The following AGAP3 variants were observed in gnomAD, a reference collection of about 807,000 sequenced individuals.
The protein encoded by AGAP3 is arf-GAP with GTPase, ANK repeat and PH domain-containing protein 3.
In AGAP3, 24 loss-of-function variants were observed where a neutral mutation model predicts 96.9. That is an observed-to-expected ratio of 0.25 (90% CI 0.18 to 0.35). The LOEUF (loss-of-function observed/expected upper bound fraction) is 0.35. Ranked by LOEUF, AGAP3 falls within the 10% of genes least tolerant of loss-of-function variation. The probability of loss-of-function intolerance (pLI) is 1.00; values close to 1 mark genes in which losing one functional copy is unlikely to be tolerated. For synonymous variants in AGAP3, 563 were observed against 536.1 expected (o/e 1.05, Z -0.69); for missense variants, 876 against 1,254.2 (o/e 0.70, Z 4.55).
Position 151,118,030 on chromosome 7 carries a change from G to A in AGAP3, c.707-180G>A, listed in dbSNP as rs1256148081. The A allele has an allele frequency of 7.6e-6, 7 of 926,646 alleles. No homozygotes were observed. The South Asian group carries it at 1.3e-4, about 17-fold the overall frequency. The allele number at this position is 926,646 out of a possible 1,614,324, so 57.4% of individuals were successfully genotyped here. On this transcript the variant is annotated intron_variant, in intron 5 of 17. Coordinates refer to ENST00000397238, the MANE Select transcript of AGAP3 (RefSeq NM_031946.7). The surrounding 1 kb of genome is among the most constrained non-coding windows in gnomAD (Gnocchi z 6.1). ...GTGCTCAGAGCTTAAGTGCTTGCTGGTTTGCACTCAGTGAGGCCATGGAAG... is the reference window on the plus strand; with the variant it reads ...GTGCTCAGAGCTTAAGTGCTTGCTGATTTGCACTCAGTGAGGCCATGGAAG...
chr7:151,143,431 G>C lies in AGAP3; in HGVS notation c.2364G>C (p.Gln788His). The change falls in exon 17 of 18, where the codon CAG (glutamine) becomes CAC (histidine). Residue 788 changes from glutamine (Q) to histidine (H), a missense_variant. Gln to His is a conservative substitution (Grantham distance 24). Around this residue, in one of 8 missense-constraint regions of AGAP3, gnomAD observed 213 missense variants for 253.8 expected, o/e 0.84. Transcript: ENST00000397238. This position sits in a 1 kb window ranked among gnomAD's most constrained non-coding sequence, Gnocchi z 5.9. ...GCTCAGATGTGCCACTGGGGCAGCA[G>C]CTGCTCCGGGCCGTGGTGGAAGATG... The part of the protein sequence containing the change: ...LPSSDVPLGQ[Q>H]LLRAVVEDDL... The C allele has an allele frequency of 6.2e-7, 1 of 1,614,242 alleles. No individual in the cohort carries two copies. The highest frequency in any genetic ancestry group is 8.5e-7 in the Non-Finnish European group (1 of 1,180,052).
At chr7:151,129,329 C>T (rs1022601873) in intron 10 of AGAP3, among the ~76,000 whole-genome samples, 6 of 152,092 alleles carry the variant, frequency 3.9e-5, no homozygotes, top group African/African-American at 1.2e-4. Flanking sequence ...CAGCACAGCG[C>T]GTGCCCCCCA....
chr7:151,116,968 T>C, intron 2 of AGAP3, 117 bp downstream of exon 2: 5 of 1,477,256 alleles, frequency 3.4e-6, no homozygotes, highest in Non-Finnish European at 4.7e-6. Flanking sequence ...AGCTTGGCCC[T>C]CTCTGCCCTC....
At position 151,122,230 on chromosome 7, in the gene AGAP3, C is replaced by T. The variant is rs183191562; in HGVS notation, c.1129-1564C>T. Among the ~76,000 whole-genome samples, 1,465 of 152,346 alleles carry T rather than the reference C, an allele frequency of 9.6e-3. 14 individuals are homozygous for T. Among genetic ancestry groups the T allele is most frequent in the African/African-American group, 0.033 (1,375 of 41,592 alleles). The stretch of plus-strand genomic sequence containing the variant: ...GGCAGAGGGCTGTGGCGGTCTGGGC[C>T]GTGGAGCCCAGGAGGGGATGGGGCG... On this transcript the variant is annotated intron_variant, in intron 8 of 17. Coordinates refer to ENST00000397238, the MANE Select transcript of AGAP3 (RefSeq NM_031946.7).
chr7:151,098,542 A>C (rs1397695105), intron 1 of AGAP3, among the ~76,000 whole-genome samples: 1 of 151,946 alleles, frequency 6.6e-6, no homozygotes, highest in Admixed American at 6.6e-5. Flanking sequence ...AGTCCCAGCT[A>C]CTCAGGAGGC....
chr7:151,141,924 G>T lies in AGAP3; in HGVS notation c.1831G>T (p.Val611Leu). 5.6e-6 allele frequency: 9 copies of T among 1,614,176 alleles called. No homozygotes were observed. Among genetic ancestry groups the T allele is most frequent in the Non-Finnish European group, 7.6e-6 (9 of 1,180,024 alleles). The change falls in exon 14 of 18, where the codon GTG becomes TTG. Residue 611 changes from valine (V) to leucine (L), a missense_variant. By Grantham distance (32) the Val-to-Leu change is conservative. Around this residue, in one of 8 missense-constraint regions of AGAP3, gnomAD observed 103 missense variants for 183.0 expected, o/e 0.56. Transcript: ENST00000397238. The surrounding 1 kb of genome is among the most constrained non-coding windows in gnomAD (Gnocchi z 4.2). ...GGCAGAGGAGTCGTTTGAATTTGTG[G>T]TGGTGTCCCTCACTGGGCAGACGTG... Reference protein sequence around the residue: ...EEAEESFEFVVVSLTGQTWHF... With the variant: ...EEAEESFEFVLVSLTGQTWHF...
At chr7:151,119,887 C>G in intron 7 of AGAP3, 100 bp from the exon 8 acceptor site, 2 of 1,201,026 alleles carry the variant, frequency 1.7e-6, no homozygotes, top group Non-Finnish European at 2.3e-6. Context: ...GCCCATGAGC[C>G]CCGGCCAGGC....
intron 10 of AGAP3, among the ~76,000 whole-genome samples, chr7:151,129,248 C>G (rs1800306689): frequency 6.6e-6 from 1 of 152,012 alleles, no homozygotes; most frequent in Non-Finnish European, 1.5e-5. Flanking sequence ...CTCCAGCACA[C>G]AGCTGTCACC....
rs1800822132 is a variant in AGAP3, at chr7:151,141,792, G to A, written c.1805-106G>A. Reference sequence around the variant, plus strand: ...TGCAGCTGGGGAAGGGTCTAGGGGAGGACACTTGCCAGTGGAGCAGGGTAG... The same window carrying A: ...TGCAGCTGGGGAAGGGTCTAGGGGAAGACACTTGCCAGTGGAGCAGGGTAG... On this transcript the variant is annotated intron_variant, in intron 13 of 17. Coordinates refer to ENST00000397238, the MANE Select transcript of AGAP3 (RefSeq NM_031946.7). The surrounding 1 kb of genome is among the most constrained non-coding windows in gnomAD (Gnocchi z 4.2). 6.9e-7 allele frequency: 1 copy of A among 1,459,830 alleles called. No individual in the cohort carries two copies. Among genetic ancestry groups the A allele is most frequent in the Admixed American group, 1.7e-5 (1 of 58,450 alleles). The allele number at this position is 1,459,830 out of a possible 1,614,324, so 90.4% of individuals were successfully genotyped here.
rs191127504 is a variant in AGAP3, at chr7:151,140,991, A to T, written c.1804+875A>T. ...CCCAGCAGAGGAGGAATTCCAGGGGATGTCGGTGTCACTGAGGTGAGGCTG... is the reference window on the plus strand; with the variant it reads ...CCCAGCAGAGGAGGAATTCCAGGGGTTGTCGGTGTCACTGAGGTGAGGCTG... On this transcript the variant is annotated intron_variant, in intron 13 of 17. Coordinates refer to ENST00000397238, the MANE Select transcript of AGAP3 (RefSeq NM_031946.7). This position sits in a 1 kb window ranked among gnomAD's most constrained non-coding sequence, Gnocchi z 5.4. 3 of 152,232 alleles carry T rather than the reference A, an allele frequency of 2.0e-5. No homozygotes were observed. The highest frequency in any genetic ancestry group is 1.3e-4 in the Admixed American group (2 of 15,270). The allele number at this position is 152,232 out of a possible 1,614,324, so 9.4% of individuals were successfully genotyped here.
chr7:151,116,911 C>T lies in AGAP3; in HGVS notation c.390+60C>T, dbSNP rs1011500808. 17 of 1,604,302 alleles carry T rather than the reference C, an allele frequency of 1.1e-5. No individual in the cohort carries two copies. The African/African-American group carries it at 1.3e-4, about 13-fold the overall frequency. On this transcript the variant is annotated intron_variant, in intron 2 of 17. Coordinates refer to ENST00000397238, the MANE Select transcript of AGAP3 (RefSeq NM_031946.7). ...GAGCTGGGGGGGCGAGGCTGGGTGC[C>T]GCGGGCCTGGGCCTTGCTTCTCCGG...
At chr7:151,105,126 T>C (rs923312248) in intron 1 of AGAP3, among the ~76,000 whole-genome samples, 1 of 152,214 alleles carries the variant, frequency 6.6e-6, no homozygotes. Context: ...TTAAAAAAGA[T>C]TGGCAGAGTG....
intron 1 of AGAP3, chr7:151,115,317 C>G: frequency 9.9e-7 from 1 of 1,009,554 alleles, no homozygotes; most frequent in Non-Finnish European, 1.2e-6. Flanking sequence ...CCGGCGCGGC[C>G]TGGCGGCGCT....
intron 1 of AGAP3, chr7:151,090,205 G>A (rs1343922280): frequency 2.0e-5 from 3 of 151,222 alleles, no homozygotes; most frequent in Non-Finnish European, 2.9e-5. Flanking sequence ...GGCTTGGGGA[G>A]GGCCTGGGAT....
At chr7:151,105,781 C>CCCCT (rs1554463819) in intron 1 of AGAP3, among the ~76,000 whole-genome samples, 1 of 58,990 alleles carries the variant, frequency 1.7e-5, no homozygotes, top group African/African-American at 7.3e-5. Flanking sequence ...ATTCCGCCCC[C>CCCCT]CCCCCCGACA....
In AGAP3 at chr7:151,087,367, G is replaced by A. The variant is rs535658934; in HGVS notation, c.331+295G>A. On this transcript the variant is annotated intron_variant, in intron 1 of 17. Coordinates refer to ENST00000397238, the MANE Select transcript of AGAP3 (RefSeq NM_031946.7). ...TGTCCAGGCCTGGCCGGGGAAGGTG[G>A]GCGCGGCAGAGGGCTTCAGCTGCGG... Among the ~76,000 whole-genome samples, 482 of 152,314 alleles carry A rather than the reference G, an allele frequency of 3.2e-3. 4 individuals carry two copies. The highest frequency in any genetic ancestry group is 0.011 in the African/African-American group (450 of 41,582).
rs904523024 is a variant in AGAP3 at position 151,122,796 on chromosome 7, T to G, written c.1129-998T>G. The G allele has an allele frequency of 3.7e-6, 6 of 1,613,710 alleles. No homozygotes were observed. The African/African-American group carries it at 8.0e-5, about 22-fold the overall frequency. Reference sequence around the variant, plus strand: ...AACTCCTTCCAAATTAGAAGACCAGTTGGTGACACACAGCACCTCTGGACA... The same window carrying G: ...AACTCCTTCCAAATTAGAAGACCAGGTGGTGACACACAGCACCTCTGGACA... On this transcript the variant is annotated intron_variant, in intron 8 of 17. Transcript: ENST00000397238.
chr7:151,088,809 T>G (rs1473242776), intron 1 of AGAP3, among the ~76,000 whole-genome samples: 1 of 151,744 alleles, frequency 6.6e-6, no homozygotes, highest in Non-Finnish European at 1.5e-5. Context: ...CGCCCTTGAG[T>G]TTTTTTTGCC....
chr7:151,089,152 C>T (rs1798279967), intron 1 of AGAP3, among the ~76,000 whole-genome samples: 1 of 151,344 alleles, frequency 6.6e-6, no homozygotes, highest in Non-Finnish European at 1.5e-5. Flanking sequence ...CTGCTGTAGG[C>T]AGTCTTCAAA....
Sources: gnomAD v4.1 joint callset for allele counts (sites outside exome capture counted in the v4.1 genomes callset) on GRCh38, gnomAD v4.1.1 for gene constraint, gnomAD v4.1.1 regional missense constraint, Gnocchi (gnomAD v3.1) non-coding constraint, MANE v1.5 for transcripts, NCBI Gene and HGNC (gene_info 2026-07-23, HGNC 2026-07-21) for gene names.